Variants in IL12RB1 observed in about 807,000 individuals in gnomAD.
The protein encoded by IL12RB1 is interleukin 12 receptor subunit beta 1, also known as interleukin-12 receptor subunit beta-1.
A neutral mutation model predicts 94.4 loss-of-function variants in IL12RB1; 64 were observed. The observed-to-expected ratio is 0.68, with a 90% CI of 0.55 to 0.83. IL12RB1 has a LOEUF of 0.83. IL12RB1 is among the 40% of genes least tolerant of loss of function. IL12RB1 has a pLI of 0.00. For synonymous variants in IL12RB1, 362 were observed against 355.5 expected, an observed-to-expected ratio of 1.02 and a Z score of -0.21; for missense variants, 814 against 855.6, an observed-to-expected ratio of 0.95 and a Z score of 0.61.
chr19:18,066,204 T>A (rs1262445271), intron 12 of IL12RB1, among the ~76,000 whole-genome samples: 2 of 151,600 alleles, frequency 1.3e-5, no homozygotes, highest in African/African-American at 4.8e-5. Context: ...GCCTCCTGGG[T>A]TCAAGCGATT....
intron 1 of IL12RB1, among the ~76,000 whole-genome samples, chr19:18,085,723 C>T (rs2036281581): frequency 6.6e-6 from 1 of 152,088 alleles, no homozygotes; most frequent in South Asian, 2.1e-4. Flanking sequence ...GATCCTCCCA[C>T]CTCAGCTCCT....
At chr19:18,073,413 A>G (rs548087711) in intron 8 of IL12RB1, 104 bp downstream of exon 8, 2 of 770,764 alleles carry the variant, frequency 2.6e-6, no homozygotes, top group South Asian at 1.4e-5. Context: ...TGCCACCTCT[A>G]CATCTCATCT....
Position 18,096,481 on chromosome 19 carries a change from A to C in IL12RB1, c.-230+2274T>G, listed in dbSNP as rs112874551. Among the ~76,000 whole-genome samples, 20 of 152,194 alleles carry C rather than the reference A, an allele frequency of 1.3e-4. 1 individual carries two copies. The highest frequency in any genetic ancestry group is 4.8e-4 in the African/African-American group (20 of 41,534). ...TGGCACCAGGGCCAGGATTAAAGGG[A>C]GGCAAACAAGGCTGAGTGGTGCAAG... On this transcript the variant is annotated intron_variant, in intron 1 of 4. Transcript: ENST00000594176.
chr19:18,083,173 C>T lies in IL12RB1; in HGVS notation c.124+259G>A, dbSNP rs149588953. ...TTAACAGGTACTTTCTCCCATGTACCGACCAATCTGAACGGACACAGACAC... is the reference window on the plus strand; with the variant it reads ...TTAACAGGTACTTTCTCCCATGTACTGACCAATCTGAACGGACACAGACAC... On this transcript the variant is annotated intron_variant, in intron 2 of 16. Coordinates refer to ENST00000593993, the MANE Select transcript of IL12RB1 (RefSeq NM_005535.3). 0.012 allele frequency: 7,286 copies of T among 596,240 alleles called. 60 individuals carry two copies. Among genetic ancestry groups the T allele is most frequent in the Non-Finnish European group, 0.016 (5,442 of 333,038 alleles). The allele number at this position is 596,240 out of a possible 1,614,324, so 36.9% of individuals were successfully genotyped here. A position where few individuals can be genotyped will look rare whatever the true frequency, so the allele number is the denominator to read the frequency against.
chr19:18,095,175 T>G (rs1467422433), intron 1 of IL12RB1, among the ~76,000 whole-genome samples: 1 of 152,076 alleles, frequency 6.6e-6, no homozygotes, highest in Non-Finnish European at 1.5e-5. Context: ...CAACACTTCA[T>G]CTCAAAATAA....
At chr19:18,095,783 TACAGTACCTCATGG>T (rs1489651628) in intron 1 of IL12RB1, among the ~76,000 whole-genome samples, 1 of 152,222 alleles carries the variant, frequency 6.6e-6, no homozygotes, top group Non-Finnish European at 1.5e-5. Flanking sequence ...GATGCAATTC[TACAGTACCTCATGG>T]ACAGTCAGGC....
intron 4 of IL12RB1, among the ~76,000 whole-genome samples, chr19:18,080,316 G>C (rs1307382517): frequency 6.6e-6 from 1 of 152,090 alleles, no homozygotes; most frequent in African/African-American, 2.4e-5. Flanking sequence ...TCAGCTCACT[G>C]TAACCTCCAC....
At chr19:18,071,529 A>T (rs1405654466) in intron 9 of IL12RB1, among the ~76,000 whole-genome samples, 2 of 151,958 alleles carry the variant, frequency 1.3e-5, no homozygotes, top group Admixed American at 1.3e-4. Context: ...GCACATGCCT[A>T]TATTCCCAGC....
chr19:18,069,806 G>A (rs185007448), intron 9 of IL12RB1, 93 bp from the exon 10 acceptor site: 13 of 939,892 alleles, frequency 1.4e-5, no homozygotes, highest in African/African-American at 4.8e-5. Context: ...CCACCCTCTC[G>A]TCTATACCCC....
chr19:18,076,219 T>C, intron 6 of IL12RB1, 78 bp downstream of exon 6: 1 of 805,228 alleles, frequency 1.2e-6, no homozygotes, highest in Non-Finnish European at 2.3e-6. Flanking sequence ...AATTCAGCAT[T>C]GGACCTGGCA....
intron 5 of IL12RB1, among the ~76,000 whole-genome samples, chr19:18,077,277 G>T (rs547874095): frequency 6.6e-6 from 1 of 151,916 alleles, no homozygotes; most frequent in African/African-American, 2.4e-5. Flanking sequence ...CAGGACAATC[G>T]CTTGAACCCG....
intron 8 of IL12RB1, among the ~76,000 whole-genome samples, chr19:18,072,736 A>G (rs2035157914): frequency 6.6e-6 from 1 of 152,110 alleles, no homozygotes. Flanking sequence ...TCATGAGGTC[A>G]GGAGATTGAG....
Position 18,086,921 on chromosome 19 carries a change from A to G in IL12RB1, c.-98T>C, listed in dbSNP as rs533428547. 1.3e-6 allele frequency: 2 copies of G among 1,560,642 alleles called. No individual in the cohort carries two copies. On this transcript the variant is annotated 5_prime_UTR_variant, in exon 1 of 17. Transcript: ENST00000593993. ...ACTCCGGAACACATTGAAGCTGAGCAAGGAGAAAAGACTGAAAAAAAAGAA... is the reference window on the plus strand; with the variant it reads ...ACTCCGGAACACATTGAAGCTGAGCGAGGAGAAAAGACTGAAAAAAAAGAA...
At chr19:18,087,061 C>G (rs1038120977), upstream of IL12RB1, 1 of 782,990 alleles carries the variant, frequency 1.3e-6, no homozygotes, top group East Asian at 2.8e-5. Flanking sequence ...GACTCTGGAG[C>G]AAGTCTGACT....
At chr19:18,083,133 G>C (rs1010887875) in intron 2 of IL12RB1, 3 of 551,034 alleles carry the variant, frequency 5.4e-6, no homozygotes. Context: ...GGTTGGGGGG[G>C]GGGCTTCAAA....
intron 10 of IL12RB1, 52 bp downstream of exon 10, chr19:18,069,494 T>C: frequency 6.6e-7 from 1 of 1,521,842 alleles, no homozygotes; most frequent in Non-Finnish European, 8.8e-7. Context: ...CACCAGGACC[T>C]AAAAGGGAGG....
At chr19:18,084,461 T>C (rs1478765152) in intron 1 of IL12RB1, among the ~76,000 whole-genome samples, 2 of 151,284 alleles carry the variant, frequency 1.3e-5, no homozygotes, top group African/African-American at 4.9e-5. Flanking sequence ...CATCCATCCA[T>C]GTATTCATTA....
chr19:18,059,512 G>T lies in IL12RB1; in HGVS notation c.*96C>A. 1 of 745,576 alleles carries T rather than the reference G, an allele frequency of 1.3e-6. No homozygotes were observed. Among genetic ancestry groups the T allele is most frequent in the Admixed American group, 1.9e-5 (1 of 52,604 alleles). 46.2% of individuals were successfully genotyped at this position (745,576 alleles called of 1,614,324 possible). ...GCAGAGAGGAGGCAGGTGCACTGGA[G>T]CCTGGAGGAGCTCTGGGTTATTTGG... On this transcript the variant is annotated 3_prime_UTR_variant, in exon 17 of 17. Coordinates refer to ENST00000593993, the MANE Select transcript of IL12RB1 (RefSeq NM_005535.3).
At chr19:18,070,529 G>A (rs1426967764) in intron 9 of IL12RB1, 1 of 985,268 alleles carries the variant, frequency 1.0e-6, no homozygotes, top group Middle Eastern at 5.2e-4. Flanking sequence ...GCGTCTTCAT[G>A]AATGTCAGAG....
Sources: allele counts gnomAD v4.1 joint callset (sites outside exome capture counted in the v4.1 genomes callset), GRCh38; gene constraint gnomAD v4.1.1; transcripts MANE v1.5; gene names NCBI Gene and HGNC (gene_info 2026-07-23, HGNC 2026-07-21).